Variants in GPC4 observed in about 807,000 individuals in gnomAD.
GPC4 encodes glypican 4, also known as glypican-4.
A neutral mutation model predicts 35.0 loss-of-function variants in GPC4; 10 were observed. That is an observed-to-expected ratio of 0.29 (90% CI 0.18 to 0.48). GPC4 has a LOEUF of 0.48. Ranked by LOEUF, GPC4 falls within the 20% of genes least tolerant of loss-of-function variation. GPC4 has a pLI of 0.99. For synonymous variants in GPC4, 167 were observed against 170.2 expected, an observed-to-expected ratio of 0.98 and a Z score of 0.15; for missense variants, 322 against 451.3, an observed-to-expected ratio of 0.71 and a Z score of 2.60.
chrX:133,382,356 G>A (rs1234947844), intron 1 of GPC4, among the ~76,000 whole-genome samples: 1 of 101,495 alleles, frequency 9.9e-6, no homozygotes, highest in African/African-American at 3.7e-5. Flanking sequence ...AACCCAGGAG[G>A]TGGAGCTTGC....
In GPC4 at chrX:133,397,564, A is replaced by C. The variant is rs746662828; in HGVS notation, c.160+17242T>G. On this transcript the variant is annotated intron_variant, in intron 1 of 8. Transcript: ENST00000370828. ...AGAGTAAGACCTTGTCTCAAAAAAA[A>C]AAAAGTAAAAATAAAAATAAAGCAG... Among the ~76,000 whole-genome samples the C allele has an allele frequency of 4.6e-3, 509 of 109,618 alleles. 7 individuals carry two copies. The highest frequency in any genetic ancestry group is 0.019 in the Middle Eastern group (4 of 207).
intron 3 of GPC4, among the ~76,000 whole-genome samples, chrX:133,315,506 T>C (rs899460772): frequency 9.0e-6 from 1 of 111,031 alleles, no homozygotes; most frequent in Non-Finnish European, 1.9e-5. Context: ...TCTGGGGCTT[T>C]ATTCATTTTG....
At chrX:133,378,575 CAAAAAAAAAAAAGAAA>C (rs1428941590) in intron 1 of GPC4, among the ~76,000 whole-genome samples, 67 of 49,580 alleles carry the variant, frequency 1.4e-3, no homozygotes, top group Non-Finnish European at 1.5e-3. Context: ...GACTCCATTT[CAAAAAAAAAAAAGAAA>C]AAAAAAAAAA....
chrX:133,374,130 G>A (rs1228204821), intron 1 of GPC4, among the ~76,000 whole-genome samples: 1 of 111,532 alleles, frequency 9.0e-6, no homozygotes, highest in African/African-American at 3.3e-5. Flanking sequence ...TATCAGTAAA[G>A]CTGGGGGAAA....
chrX:133,387,776 C>T (rs769621974), intron 1 of GPC4, among the ~76,000 whole-genome samples: 2 of 111,874 alleles, frequency 1.8e-5, no homozygotes, highest in African/African-American at 6.5e-5. Flanking sequence ...TTACATGGTA[C>T]ATTGGACTTC....
chrX:133,317,265 G>T (rs1270874037), intron 3 of GPC4, among the ~76,000 whole-genome samples: 2 of 110,370 alleles, frequency 1.8e-5, no homozygotes, highest in Non-Finnish European at 3.8e-5. Context: ...TGTGTATGTG[G>T]GGGGGAAGAT....
chrX:133,415,080 A>G lies in GPC4; in HGVS notation c.-115T>C. On this transcript the variant is annotated 5_prime_UTR_variant, in exon 1 of 9. Coordinates refer to ENST00000370828, the MANE Select transcript of GPC4 (RefSeq NM_001448.3). Reference sequence around the variant, plus strand: ...ACTAGCGAGTGGAGCTGGAGGGAGAAGGAGTTGGAGTTGGTGGAAGAGGCG... The same window carrying G: ...ACTAGCGAGTGGAGCTGGAGGGAGAGGGAGTTGGAGTTGGTGGAAGAGGCG... The G allele has an allele frequency of 1.3e-6, 1 of 755,532 alleles. No individual in the cohort carries two copies. The highest frequency in any genetic ancestry group is 1.9e-6 in the Non-Finnish European group (1 of 530,581). The allele number at this position is 755,532 out of a possible 1,213,427, so 62.3% of individuals were successfully genotyped here. A position where few individuals can be genotyped will look rare whatever the true frequency, so the allele number is the denominator to read the frequency against.
At chrX:133,403,145 G>T (rs887615094) in intron 1 of GPC4, among the ~76,000 whole-genome samples, 5 of 111,575 alleles carry the variant, frequency 4.5e-5, no homozygotes, top group Admixed American at 2.9e-4. Context: ...TAGGCATCTA[G>T]GACTGAATGT....
intron 2 of GPC4, among the ~76,000 whole-genome samples, chrX:133,328,167 A>G (rs954732519): frequency 3.6e-5 from 4 of 111,252 alleles, no homozygotes; most frequent in Non-Finnish European, 5.6e-5. Flanking sequence ...ACTACATACA[A>G]AAAGTTCCTA....
rs770816551 is a variant in GPC4, at chrX:133,404,734, A to G, written c.160+10072T>C. Among the ~76,000 whole-genome samples the G allele has an allele frequency of 2.8e-5, 3 of 107,245 alleles. No individual in the cohort carries two copies. The East Asian group carries it at 8.9e-4, about 32-fold the overall frequency. 93.1% of individuals were successfully genotyped at this position (107,245 alleles called of 115,157 possible). On this transcript the variant is annotated intron_variant, in intron 1 of 8. Transcript: ENST00000370828. ...GCTGGACGTGGTGGTGCATGCCTATAATCACAGCTACTTGGAAGGCTGAGG... is the reference window on the plus strand; with the variant it reads ...GCTGGACGTGGTGGTGCATGCCTATGATCACAGCTACTTGGAAGGCTGAGG...
chrX:133,319,698 T>C (rs760662008), intron 3 of GPC4, among the ~76,000 whole-genome samples: 4 of 110,839 alleles, frequency 3.6e-5, no homozygotes, highest in Admixed American at 1.9e-4. Flanking sequence ...AACCCATATA[T>C]ATAAAAAACA....
chrX:133,302,637 G>C lies in GPC4; in HGVS notation c.*230C>G. ...CTATAGTTCTGTACCTACACTGTTA[G>C]CCACGTTTAACATGGTTTGGGGGAG... On this transcript the variant is annotated 3_prime_UTR_variant, in exon 9 of 9. Coordinates refer to ENST00000370828, the MANE Select transcript of GPC4 (RefSeq NM_001448.3). 2.4e-6 allele frequency: 1 copy of C among 412,667 alleles called. No individual in the cohort carries two copies. The highest frequency in any genetic ancestry group is 4.2e-6 in the Non-Finnish European group (1 of 237,558). 34.0% of individuals were successfully genotyped at this position (412,667 alleles called of 1,213,427 possible). A position where few individuals can be genotyped will look rare whatever the true frequency, so the allele number is the denominator to read the frequency against.
intron 1 of GPC4, among the ~76,000 whole-genome samples, chrX:133,405,535 C>A (rs2068783989): frequency 8.9e-6 from 1 of 112,003 alleles, no homozygotes; most frequent in Non-Finnish European, 1.9e-5. Flanking sequence ...GAGCATTCGC[C>A]CATTCTAGGA....
intron 2 of GPC4, among the ~76,000 whole-genome samples, chrX:133,326,911 A>C: frequency 8.9e-6 from 1 of 112,504 alleles, no homozygotes; most frequent in Non-Finnish European, 1.9e-5. Context: ...ACCATGCTTG[A>C]ATTTTGCTAG....
intron 1 of GPC4, among the ~76,000 whole-genome samples, chrX:133,372,313 C>CCCCAAGGA (rs1213446912): frequency 9.2e-6 from 1 of 109,091 alleles, no homozygotes; most frequent in Non-Finnish European, 1.9e-5. Flanking sequence ...TGCAAGGAGC[C>CCCCAAGGA]CCCAAGGATA....
At position 133,340,479 on chromosome X, in the gene GPC4, AG is replaced by A. The variant is rs1257209900; in HGVS notation, c.161-1139del. On this transcript the variant is annotated intron_variant, in intron 1 of 8. Transcript: ENST00000370828. ...GGGGTCTGAAAAGAGAGATGATCTG[AG>A]GAACTCAGGAATGAGTATACTGAAG... 2.7e-5 allele frequency among the ~76,000 whole-genome samples: 3 copies of A among 112,079 alleles called. No individual in the cohort carries two copies. The East Asian group carries it at 8.4e-4, about 31-fold the overall frequency.
At chrX:133,406,953 G>A (rs764234444) in intron 1 of GPC4, among the ~76,000 whole-genome samples, 45 of 108,113 alleles carry the variant, frequency 4.2e-4, no homozygotes, top group Admixed American at 3.5e-3. Context: ...GCACACACCT[G>A]TAGTCCCAGC....
rs754142098 is a variant in GPC4 at position 133,339,163 on chromosome X, A to G, written c.319+20T>C. The G allele has an allele frequency of 8.3e-7, 1 of 1,208,913 alleles. No individual in the cohort carries two copies. The highest frequency in any genetic ancestry group is 1.1e-6 in the Non-Finnish European group (1 of 893,456). ...TACAGACCTAACTGCCGGTTCTTAC[A>G]TATGACTTGAATAACATACCATCAA... On this transcript the variant is annotated intron_variant, in intron 2 of 8. Coordinates refer to ENST00000370828, the MANE Select transcript of GPC4 (RefSeq NM_001448.3).
intron 4 of GPC4, among the ~76,000 whole-genome samples, chrX:133,309,589 AGT>A (rs1350312555): frequency 1.8e-5 from 2 of 113,004 alleles, no homozygotes; most frequent in African/African-American, 6.4e-5. Context: ...TCTGTAGAAA[AGT>A]CAGCAGAATT....
Sources: allele counts gnomAD v4.1 joint callset (sites outside exome capture counted in the v4.1 genomes callset), GRCh38; gene constraint gnomAD v4.1.1; transcripts MANE v1.5; gene names NCBI Gene and HGNC (gene_info 2026-07-23, HGNC 2026-07-21).